Variants in APPBP2 observed in about 807,000 individuals in gnomAD.
The protein encoded by APPBP2 is amyloid protein-binding protein 2.
A neutral mutation model predicts 76.0 loss-of-function variants in APPBP2; 15 were observed. That is an observed-to-expected ratio of 0.20 (90% CI 0.13 to 0.30). The LOEUF (loss-of-function observed/expected upper bound fraction) is 0.30. Among genes scored for constraint, APPBP2 ranks in the 10% least tolerant of loss-of-function variants. The probability of loss-of-function intolerance (pLI) is 1.00; values close to 1 mark genes in which losing one functional copy is unlikely to be tolerated. For missense variants in APPBP2, 401 were observed against 687.2 expected, an observed-to-expected ratio of 0.58 and a Z score of 4.66; for synonymous variants, 222 against 242.2, an observed-to-expected ratio of 0.92 and a Z score of 0.77.
chr17:60,492,158 G>A (rs8076016), intron 3 of APPBP2, among the ~76,000 whole-genome samples: 12,507 of 152,226 alleles, frequency 0.082, 1,702 homozygotes, highest in African/African-American at 0.28. Flanking sequence ...TGTTGAGCCT[G>A]TGGGTGCCCA....
chr17:60,483,731 T>C (rs1485286518), intron 3 of APPBP2, among the ~76,000 whole-genome samples: 1 of 152,190 alleles, frequency 6.6e-6, no homozygotes, highest in African/African-American at 2.4e-5. Context: ...CTCTTTAGTT[T>C]AATTAGATCC....
intron 4 of APPBP2, among the ~76,000 whole-genome samples, chr17:60,469,387 A>T (rs1567923890): frequency 6.6e-6 from 1 of 151,430 alleles, no homozygotes; most frequent in Non-Finnish European, 1.5e-5. Flanking sequence ...CTGCATAATG[A>T]AAATAAAGAC....
chr17:60,471,150 T>C (rs965221745), intron 4 of APPBP2, among the ~76,000 whole-genome samples: 9 of 152,180 alleles, frequency 5.9e-5, no homozygotes, highest in Admixed American at 2.0e-4. Flanking sequence ...TTCTGGATAC[T>C]AGAAACTTAA....
chr17:60,507,556 G>T (rs966876771), intron 1 of APPBP2, among the ~76,000 whole-genome samples: 2 of 151,848 alleles, frequency 1.3e-5, no homozygotes, highest in African/African-American at 2.4e-5. Flanking sequence ...AACCCAAATT[G>T]GTACTTAATT....
intron 2 of APPBP2, among the ~76,000 whole-genome samples, 164 bp downstream of exon 2, chr17:60,500,235 C>A (rs2090811851): frequency 6.6e-6 from 1 of 152,096 alleles, no homozygotes; most frequent in African/African-American, 2.4e-5. Flanking sequence ...AGGTCTCGAT[C>A]TGACCTCGTG....
chr17:60,497,100 T>C (rs1487304390), intron 2 of APPBP2, among the ~76,000 whole-genome samples: 3 of 152,206 alleles, frequency 2.0e-5, no homozygotes, highest in African/African-American at 7.2e-5. Context: ...TCCTACTCAC[T>C]GCTATGGCCC....
chr17:60,475,744 TA>T (rs905175841), intron 4 of APPBP2, among the ~76,000 whole-genome samples: 3 of 151,554 alleles, frequency 2.0e-5, no homozygotes, highest in East Asian at 3.9e-4. Context: ...TTTTATTATT[TA>T]AAAAAACCCA....
chr17:60,507,500 G>A (rs760132601), intron 1 of APPBP2, among the ~76,000 whole-genome samples: 1 of 152,042 alleles, frequency 6.6e-6, no homozygotes, highest in Non-Finnish European at 1.5e-5. Context: ...GGGATTACAG[G>A]CATGAGCCAC....
chr17:60,454,316 TTGAC>T lies in APPBP2; in HGVS notation c.1320_1323del (p.Ser441Ter). The T allele has an allele frequency of 6.4e-7, 1 of 1,565,736 alleles. No homozygotes were observed. The highest frequency in any genetic ancestry group is 8.6e-7 in the Non-Finnish European group (1 of 1,159,710). ...CATGTTTCTACCTTAAATTTTCTCA[TTGAC>T]TGATAAAGTCTTCCAAGGTTTCCAT... On this transcript the variant is annotated frameshift_variant, in exon 11 of 13. Coordinates refer to ENST00000083182, the MANE Select transcript of APPBP2 (RefSeq NM_006380.5). LOFTEE classifies it high-confidence loss of function.
chr17:60,448,927 G>A (rs374419543), intron 12 of APPBP2, among the ~76,000 whole-genome samples: 15 of 152,016 alleles, frequency 9.9e-5, no homozygotes, highest in African/African-American at 1.7e-4. Flanking sequence ...TTAATATTTC[G>A]CATACTCAAA....
At chr17:60,458,310 T>G (rs994013624) in intron 9 of APPBP2, among the ~76,000 whole-genome samples, 3 of 152,016 alleles carry the variant, frequency 2.0e-5, no homozygotes, top group African/African-American at 7.3e-5. Context: ...GGCGTGTGCC[T>G]GTAATTCCAG....
chr17:60,493,892 A>G (rs112855776), intron 3 of APPBP2, among the ~76,000 whole-genome samples: 354 of 152,276 alleles, frequency 2.3e-3, no homozygotes, highest in African/African-American at 8.3e-3. Context: ...CCACCTCAGT[A>G]ACCCAAAGTG....
At chr17:60,453,941 T>C (rs182593953) in intron 11 of APPBP2, among the ~76,000 whole-genome samples, 72 of 152,070 alleles carry the variant, frequency 4.7e-4, no homozygotes, top group Admixed American at 1.4e-3. Context: ...GATGTGATCA[T>C]AGTCACTGCA....
chr17:60,465,725 CCAAA>C (rs2090506259), intron 5 of APPBP2, among the ~76,000 whole-genome samples: 1 of 151,976 alleles, frequency 6.6e-6, no homozygotes, highest in Non-Finnish European at 1.5e-5. Flanking sequence ...CGAGGCCCAA[CCAAA>C]CAATTTAGGC....
chr17:60,499,488 A>G (rs560793628), intron 2 of APPBP2, among the ~76,000 whole-genome samples: 1 of 152,328 alleles, frequency 6.6e-6, no homozygotes, highest in South Asian at 2.1e-4. Flanking sequence ...AGCCTGTACA[A>G]CATAGTCAAA....
chr17:60,518,998 G>A (rs2090987150), intron 1 of APPBP2, among the ~76,000 whole-genome samples: 1 of 151,922 alleles, frequency 6.6e-6, no homozygotes, highest in Non-Finnish European at 1.5e-5. Flanking sequence ...TCACTGTGTT[G>A]CCCAGGCTAG....
intron 1 of APPBP2, among the ~76,000 whole-genome samples, chr17:60,514,524 C>A (rs191902126): frequency 6.6e-6 from 1 of 152,302 alleles, no homozygotes; most frequent in East Asian, 1.9e-4. Context: ...TCCCTACTTG[C>A]TCTATGTTCT....
At chr17:60,483,926 C>T (rs2090651719) in intron 3 of APPBP2, among the ~76,000 whole-genome samples, 1 of 151,846 alleles carries the variant, frequency 6.6e-6, no homozygotes, top group Non-Finnish European at 1.5e-5. Context: ...AGGAAGGGAT[C>T]CAGTTTCAGC....
intron 3 of APPBP2, among the ~76,000 whole-genome samples, chr17:60,487,597 A>T (rs531951614): frequency 2.6e-5 from 4 of 152,278 alleles, no homozygotes; most frequent in Non-Finnish European, 5.9e-5. Flanking sequence ...CATTTGTCTA[A>T]TCTTTTTTCA....
Sources: gnomAD v4.1 joint callset for allele counts (sites outside exome capture counted in the v4.1 genomes callset) on GRCh38, gnomAD v4.1.1 for gene constraint, MANE v1.5 for transcripts, NCBI Gene and HGNC (gene_info 2026-07-23, HGNC 2026-07-21) for gene names.